Variants in SNX25 observed in about 807,000 individuals in gnomAD.
SNX25 encodes sorting nexin 25, also known as sorting nexin-25.
A neutral mutation model predicts 113.7 loss-of-function variants in SNX25; 62 were observed. The observed-to-expected ratio is 0.55, with a 90% CI of 0.44 to 0.67. The LOEUF is 0.67. SNX25 is among the 30% of genes least tolerant of loss of function. SNX25 has a pLI of 0.00. For synonymous variants in SNX25, 421 were observed against 436.2 expected, an observed-to-expected ratio of 0.97 and a Z score of 0.43; for missense variants, 1,014 against 1,161.0, an observed-to-expected ratio of 0.87 and a Z score of 1.84.
rs1327076723 is a variant in SNX25 at position 185,222,415 on chromosome 4, C to CGCGG, written c.429+12160_429+12161insGCGG. Among the ~76,000 whole-genome samples, 8 of 151,188 alleles carry CGCGG rather than the reference C, an allele frequency of 5.3e-5. 1 individual carries two copies. The highest frequency in any genetic ancestry group is 1.2e-4 in the African/African-American group (5 of 41,028). ...TATACAGCGCCCTATACCCCTCCCT[C>CGCGG]TCGGTAGGTATTCAGCGCCCTATAC... On this transcript the variant is annotated intron_variant, in intron 1 of 18. Coordinates refer to ENST00000652585, the MANE Select transcript of SNX25 (RefSeq NM_001378034.2).
chr4:185,324,811 G>A (rs1480420343), intron 9 of SNX25, among the ~76,000 whole-genome samples: 1 of 152,160 alleles, frequency 6.6e-6, no homozygotes, highest in Non-Finnish European at 1.5e-5. Context: ...AAAAGGACAA[G>A]GGGCAGCGTG....
intron 9 of SNX25, among the ~76,000 whole-genome samples, chr4:185,324,101 C>T (rs2095139413): frequency 6.6e-6 from 1 of 152,152 alleles, no homozygotes; most frequent in Non-Finnish European, 1.5e-5. Context: ...GTTTTAGATA[C>T]ACCTCTGGTC....
intron 5 of SNX25, among the ~76,000 whole-genome samples, chr4:185,274,927 TG>T (rs1231517878): frequency 2.6e-5 from 4 of 152,180 alleles, no homozygotes; most frequent in Non-Finnish European, 4.4e-5. Context: ...TATTTAAGGC[TG>T]GGTGACTTGC....
chr4:185,367,989 C>A (rs1272669704), downstream of SNX25, among the ~76,000 whole-genome samples: 1 of 152,130 alleles, frequency 6.6e-6, no homozygotes, highest in Non-Finnish European at 1.5e-5. Flanking sequence ...ACCATCCCGG[C>A]TAACACAGTG....
At chr4:185,351,833 G>A (rs1439656398) in intron 14 of SNX25, among the ~76,000 whole-genome samples, 1 of 151,904 alleles carries the variant, frequency 6.6e-6, no homozygotes, top group African/African-American at 2.4e-5. Context: ...CGAGTAGGAA[G>A]TTCTGCAGGA....
upstream of SNX25, among the ~76,000 whole-genome samples, chr4:185,205,213 C>T (rs536383963): frequency 2.6e-5 from 4 of 152,140 alleles, no homozygotes; most frequent in South Asian, 4.1e-4. Flanking sequence ...CCCAGCACTT[C>T]GGGAGGCCGA....
intron 11 of SNX25, chr4:185,369,733 A>G (rs752781245): frequency 4.5e-6 from 2 of 439,704 alleles, no homozygotes; most frequent in South Asian, 1.7e-5. Context: ...AACTTACCTG[A>G]CATTGGAATC....
chr4:185,344,778 A>G (rs2095277107), intron 12 of SNX25, among the ~76,000 whole-genome samples: 1 of 152,142 alleles, frequency 6.6e-6, no homozygotes, highest in African/African-American at 2.4e-5. Flanking sequence ...CTCCAGAGTG[A>G]TTTTTTAACC....
intron 1 of SNX25, among the ~76,000 whole-genome samples, chr4:185,216,752 C>T (rs1030463028): frequency 1.6e-4 from 25 of 151,888 alleles, no homozygotes; most frequent in African/African-American, 5.8e-4. Flanking sequence ...AACTCCTGAC[C>T]TCAGATGATC....
intron 3 of SNX25, 137 bp downstream of exon 3, chr4:185,259,201 G>T: frequency 1.4e-6 from 1 of 714,396 alleles, no homozygotes; most frequent in Non-Finnish European, 2.2e-6. Context: ...TATTAAGGGG[G>T]AATAATTATG....
intron 1 of SNX25, among the ~76,000 whole-genome samples, chr4:185,224,821 T>A (rs1279607860): frequency 3.3e-5 from 5 of 151,808 alleles, no homozygotes; most frequent in Admixed American, 2.6e-4. Context: ...GACATAACCC[T>A]TGTGGTCTTT....
At chr4:185,240,505 G>A (rs371213913) in intron 1 of SNX25, among the ~76,000 whole-genome samples, 15,506 of 148,280 alleles carry the variant, frequency 0.1, 766 homozygotes, top group East Asian at 0.14. Flanking sequence ...CGGATGGGGC[G>A]GCTGGCTGGG....
chr4:185,338,673 C>T (rs924152045), intron 10 of SNX25, among the ~76,000 whole-genome samples: 1 of 152,194 alleles, frequency 6.6e-6, no homozygotes, highest in Non-Finnish European at 1.5e-5. Context: ...GGTTAGGTGG[C>T]AAGGATCCAG....
downstream of SNX25, chr4:185,367,162 G>A (rs1222623401): frequency 1.2e-6 from 2 of 1,601,834 alleles, no homozygotes; most frequent in African/African-American, 1.3e-5. Flanking sequence ...GATGATCTTT[G>A]TTGAAATACA....
rs935797261 is a variant in SNX25 at position 185,240,187 on chromosome 4, C to A, written c.430-7107C>A. On this transcript the variant is annotated intron_variant, in intron 1 of 18. Coordinates refer to ENST00000652585, the MANE Select transcript of SNX25 (RefSeq NM_001378034.2). ...ACCTCTTTCTACACAGACATGGCAA[C>A]CATCCGATTTCTCAGTCTTTTCCCC... 3.5e-3 allele frequency among the ~76,000 whole-genome samples: 529 copies of A among 152,166 alleles called. 2 individuals carry two copies. The highest frequency in any genetic ancestry group is 5.4e-3 in the Non-Finnish European group (369 of 68,012).
At chr4:185,310,546 C>A in intron 6 of SNX25, 89 bp from the exon 7 acceptor site, 2 of 1,175,290 alleles carry the variant, frequency 1.7e-6, no homozygotes, top group Non-Finnish European at 2.4e-6. Flanking sequence ...GTTCAGAATG[C>A]CCACAGCAGA....
At chr4:185,243,661 C>T (rs1398713767) in intron 1 of SNX25, among the ~76,000 whole-genome samples, 1 of 152,076 alleles carries the variant, frequency 6.6e-6, no homozygotes, top group East Asian at 1.9e-4. Flanking sequence ...TCACCATTCT[C>T]CCCTTCCCCT....
intron 8 of SNX25, 45 bp from the exon 9 acceptor site, chr4:185,323,483 C>T (rs1455096975): frequency 3.9e-6 from 6 of 1,534,334 alleles, no homozygotes; most frequent in African/African-American, 1.4e-5. Flanking sequence ...TAATTTCTCT[C>T]AGAGATGATA....
At chr4:185,369,543 C>T (rs2095407741) in intron 11 of SNX25, among the ~76,000 whole-genome samples, 1 of 152,078 alleles carries the variant, frequency 6.6e-6, no homozygotes, top group African/African-American at 2.4e-5. Flanking sequence ...TGTGCCTGGC[C>T]AGTACAGAGA....
Sources: gnomAD v4.1 joint callset for allele counts (sites outside exome capture counted in the v4.1 genomes callset) on GRCh38, gnomAD v4.1.1 for gene constraint, MANE v1.5 for transcripts, NCBI Gene and HGNC (gene_info 2026-07-23, HGNC 2026-07-21) for gene names.